TIAM2: variants seen among roughly 807,000 people sequenced by gnomAD.
TIAM2 encodes the protein TIAM Rac1 associated GEF 2.
TIAM2 carries 80 observed loss-of-function variants against 152.9 expected under a neutral mutation model. The observed-to-expected ratio is 0.52, with a 90% CI of 0.44 to 0.63. TIAM2 has a LOEUF of 0.63. Among genes scored for constraint, TIAM2 ranks in the 30% least tolerant of loss-of-function variants. The probability of loss-of-function intolerance (pLI) is 0.00; values close to 1 mark genes in which losing one functional copy is unlikely to be tolerated. For missense variants in TIAM2, 1,965 were observed against 2,120.1 expected, an observed-to-expected ratio of 0.93 and a Z score of 1.44; for synonymous variants, 804 against 838.0, an observed-to-expected ratio of 0.96 and a Z score of 0.70.
At position 155,214,251 on chromosome 6, in the gene TIAM2, C is replaced by T. The variant is rs923312783; in HGVS notation, c.3168+2944C>T. 3.3e-5 allele frequency among the ~76,000 whole-genome samples: 5 copies of T among 152,230 alleles called. No homozygotes were observed. Among genetic ancestry groups the T allele is most frequent in the African/African-American group, 4.8e-5 (2 of 41,470 alleles). Reference sequence around the variant, plus strand: ...CCTCCCCCGGTGCAGCCGGCATCATCGCAGTGACTGTTCCAGATGGGCCAC... The same window carrying T: ...CCTCCCCCGGTGCAGCCGGCATCATTGCAGTGACTGTTCCAGATGGGCCAC... On this transcript the variant is annotated intron_variant, in intron 15 of 26. Transcript: ENST00000682666. The surrounding 1 kb of genome is among the most constrained non-coding windows in gnomAD (Gnocchi z 5.4).
intron 1 of TIAM2, among the ~76,000 whole-genome samples, chr6:155,066,041 T>C (rs1777686871): frequency 6.6e-6 from 1 of 152,190 alleles, no homozygotes; most frequent in Non-Finnish European, 1.5e-5. Context: ...GCATTTAACT[T>C]TTGAAACTCT....
intron 14 of TIAM2, among the ~76,000 whole-genome samples, chr6:155,197,042 G>A (rs1346127595): frequency 1.3e-5 from 2 of 152,220 alleles, no homozygotes; most frequent in South Asian, 2.1e-4. Context: ...TCTGTTAGGA[G>A]CCCTGGCCAG....
chr6:155,212,171 G>C (rs977213044), intron 15 of TIAM2, among the ~76,000 whole-genome samples: 10 of 152,150 alleles, frequency 6.6e-5, no homozygotes, highest in Non-Finnish European at 1.0e-4. Context: ...AGTGAATGTT[G>C]GTGTAAGAGT....
Position 155,144,761 on chromosome 6 carries a change from G to T in TIAM2, c.1786G>T (p.Asp596Tyr). The T allele has an allele frequency of 6.2e-7, 1 of 1,610,260 alleles. No individual in the cohort carries two copies. Among genetic ancestry groups the T allele is most frequent in the Non-Finnish European group, 8.5e-7 (1 of 1,178,594 alleles). ...NVFCLSNSFGDVYLFQATSQT... is the reference protein window; with the variant it reads ...NVFCLSNSFGYVYLFQATSQT... ...GTTCTGCCTCAGCAACTCCTTTGGA[G>T]ATGTCTACCTTTTCCAGGTACTGCT... is the stretch of plus-strand genomic sequence containing the variant. Residue 596 changes from aspartate to tyrosine, a missense_variant, in exon 6 of 27, where the codon GAT becomes TAT. By Grantham distance (160) the Asp-to-Tyr change is radical. This residue lies in a region of TIAM2 where 1,025 missense variants were observed against 1,119.4 expected (regional missense o/e 0.92). Transcript: ENST00000682666.
rs745951875 is a variant in TIAM2, at chr6:155,244,829, G to A, written c.3543+46G>A. On this transcript the variant is annotated intron_variant, in intron 18 of 26. Transcript: ENST00000682666. ...CTTAAAGTAAAAATACGTGGCTATG[G>A]TACGTATTTCTCTCATGAGAATTCT... The A allele has an allele frequency of 2.6e-6, 4 of 1,556,070 alleles. No homozygotes were observed. In the African/African-American group the frequency reaches 4.1e-5, roughly 16 times the overall value.
intron 15 of TIAM2, among the ~76,000 whole-genome samples, chr6:155,221,673 T>TA (rs2115243306): frequency 6.6e-6 from 1 of 152,284 alleles, no homozygotes; most frequent in Non-Finnish European, 1.5e-5. Context: ...GGTCTCCCCT[T>TA]TAATTTTGTC....
intron 15 of TIAM2, among the ~76,000 whole-genome samples, chr6:155,239,789 A>C (rs1196868788): frequency 6.6e-6 from 1 of 152,088 alleles, no homozygotes. Flanking sequence ...CTCCTCGCAG[A>C]GGTTTCCTCT....
chr6:155,068,099 G>A (rs1384844855), intron 1 of TIAM2, among the ~76,000 whole-genome samples: 2 of 152,194 alleles, frequency 1.3e-5, no homozygotes, highest in Admixed American at 6.5e-5. Context: ...ACACCCATCA[G>A]TTGTTAAAGA....
At chr6:155,190,140 C>G (rs533016767) in intron 14 of TIAM2, among the ~76,000 whole-genome samples, 2 of 152,182 alleles carry the variant, frequency 1.3e-5, no homozygotes, top group Non-Finnish European at 2.9e-5. Context: ...ACTACTTCCC[C>G]CTGCCTTCTA....
chr6:154,997,567 A>G (rs1778238169), intron 1 of TIAM2, among the ~76,000 whole-genome samples: 1 of 151,110 alleles, frequency 6.6e-6, no homozygotes, highest in African/African-American at 2.4e-5. Flanking sequence ...CATCACTTCA[A>G]CTGATGTAAT....
chr6:155,212,509 A>G (rs1781746069), intron 15 of TIAM2, among the ~76,000 whole-genome samples: 1 of 152,250 alleles, frequency 6.6e-6, no homozygotes, highest in African/African-American at 2.4e-5. Context: ...CTTAAATACA[A>G]AATAAGAATG....
Position 155,039,131 on chromosome 6 carries a change from T to A in TIAM2, c.-209+43639T>A, listed in dbSNP as rs115907880. ...GTGTGCCACCGCACCTGGCTAACTTTCATTTTTTTGTGTGGAGACGGGGTT... is the reference window on the plus strand; with the variant it reads ...GTGTGCCACCGCACCTGGCTAACTTACATTTTTTTGTGTGGAGACGGGGTT... On this transcript the variant is annotated intron_variant, in intron 1 of 26. Coordinates refer to ENST00000682666, the MANE Select transcript of TIAM2 (RefSeq NM_012454.4). Among the ~76,000 whole-genome samples the A allele has an allele frequency of 3.1e-3, 464 of 151,896 alleles. 2 individuals are homozygous for A. The highest frequency in any genetic ancestry group is 0.011 in the African/African-American group (440 of 41,452).
At chr6:155,188,856 G>T (rs1487470135) in intron 14 of TIAM2, among the ~76,000 whole-genome samples, 7 of 152,148 alleles carry the variant, frequency 4.6e-5, no homozygotes, top group Admixed American at 3.9e-4. Flanking sequence ...AGGATTGGAG[G>T]TGTATTTAAT....
intron 1 of TIAM2, among the ~76,000 whole-genome samples, chr6:155,049,714 T>C (rs917526454): frequency 6.6e-6 from 1 of 152,132 alleles, no homozygotes; most frequent in East Asian, 1.9e-4. Context: ...AAATGGTTAG[T>C]TAGAAAGGAA....
At chr6:155,017,123 G>A (rs148526807) in intron 1 of TIAM2, among the ~76,000 whole-genome samples, 84 of 152,202 alleles carry the variant, frequency 5.5e-4, no homozygotes, top group African/African-American at 2.0e-3. Flanking sequence ...TTCCCTCCTT[G>A]CCCACCGCAT....
intron 7 of TIAM2, 82 bp downstream of exon 7, chr6:155,148,416 G>A (rs552254635): frequency 2.3e-5 from 31 of 1,357,820 alleles, no homozygotes; most frequent in Non-Finnish European, 3.1e-5. Context: ...CATCTTGGTG[G>A]TATTTCTTGG....
intron 7 of TIAM2, among the ~76,000 whole-genome samples, 194 bp from the exon 8 acceptor site, chr6:155,164,221 T>C (rs548748650): frequency 1.3e-5 from 2 of 150,802 alleles, no homozygotes; most frequent in Admixed American, 1.3e-4. Context: ...GTGATCTGCC[T>C]GCCTCGCTTT....
chr6:155,005,084 G>C (rs1778376537), intron 1 of TIAM2: 2 of 331,644 alleles, frequency 6.0e-6, no homozygotes, highest in Non-Finnish European at 1.1e-5. Context: ...AAGGCTTGGA[G>C]GATGGTAATG....
chr6:155,153,247 C>G (rs915666152), intron 7 of TIAM2, among the ~76,000 whole-genome samples: 1 of 152,090 alleles, frequency 6.6e-6, no homozygotes, highest in Admixed American at 6.6e-5. Flanking sequence ...CAACCCCTGC[C>G]GTACATGCAC....
Sources: gnomAD v4.1 joint callset for allele counts (sites outside exome capture counted in the v4.1 genomes callset) on GRCh38, gnomAD v4.1.1 for gene constraint, gnomAD v4.1.1 regional missense constraint, Gnocchi (gnomAD v3.1) non-coding constraint, MANE v1.5 for transcripts, NCBI Gene and HGNC (gene_info 2026-07-23, HGNC 2026-07-21) for gene names.